Variants in NLGN1 observed in about 807,000 individuals in gnomAD.
The protein encoded by NLGN1 is neuroligin 1.
NLGN1 carries 12 observed loss-of-function variants against 65.5 expected under a neutral mutation model. The observed-to-expected ratio is 0.18, with a 90% CI of 0.12 to 0.30. The LOEUF (loss-of-function observed/expected upper bound fraction) is 0.30, where lower values mean the gene tolerates loss of function less well. Among genes scored for constraint, NLGN1 ranks in the 10% least tolerant of loss-of-function variants. NLGN1 has a pLI of 1.00. For missense variants in NLGN1, 750 were observed against 1,007.1 expected (o/e 0.74, Z 3.46); for synonymous variants, 350 against 359.5 (o/e 0.97, Z 0.30).
At chr3:173,929,569 T>C (rs13065284) in intron 4 of NLGN1, among the ~76,000 whole-genome samples, 1 of 145,118 alleles carries the variant, frequency 6.9e-6, no homozygotes, top group Non-Finnish European at 1.5e-5. Context: ...ATGATCACTG[T>C]CATTTCCAAA....
intron 3 of NLGN1, among the ~76,000 whole-genome samples, chr3:173,707,939 T>C (rs1397551108): frequency 6.6e-6 from 1 of 152,238 alleles, no homozygotes; most frequent in Non-Finnish European, 1.5e-5. Flanking sequence ...TTTTGTAATT[T>C]GTTATTGGTT....
At chr3:173,589,389 G>C (rs539160980) in intron 2 of NLGN1, among the ~76,000 whole-genome samples, 1 of 152,002 alleles carries the variant, frequency 6.6e-6, no homozygotes, top group Admixed American at 6.5e-5. Context: ...TGGAGGTGCT[G>C]TAGGTGGTGC....
At chr3:173,748,395 A>G (rs1328701919) in intron 3 of NLGN1, among the ~76,000 whole-genome samples, 1 of 152,138 alleles carries the variant, frequency 6.6e-6, no homozygotes, top group Non-Finnish European at 1.5e-5. Flanking sequence ...CAGAACAACT[A>G]GACTTCTGAT....
At chr3:173,706,164 A>G (rs1346902241) in intron 3 of NLGN1, among the ~76,000 whole-genome samples, 1 of 152,142 alleles carries the variant, frequency 6.6e-6, no homozygotes, top group Admixed American at 6.5e-5. Flanking sequence ...ATTGTTTATG[A>G]TTTGGTATAT....
intron 4 of NLGN1, among the ~76,000 whole-genome samples, chr3:173,987,629 C>T (rs1448387096): frequency 1.6e-4 from 24 of 152,084 alleles, no homozygotes; most frequent in Admixed American, 1.6e-3. Flanking sequence ...TATCATCATC[C>T]ACAACACCAC....
At chr3:173,414,441 G>T (rs1399798825) in intron 1 of NLGN1, among the ~76,000 whole-genome samples, 1 of 152,110 alleles carries the variant, frequency 6.6e-6, no homozygotes, top group Non-Finnish European at 1.5e-5. Context: ...TAAGTAAGGG[G>T]TCAGTGTGGT....
intron 2 of NLGN1, among the ~76,000 whole-genome samples, chr3:173,600,465 A>G (rs552323593): frequency 1.3e-5 from 2 of 152,050 alleles, no homozygotes; most frequent in African/African-American, 4.8e-5. Flanking sequence ...GGACATAAAG[A>G]TATTTTTTAA....
exon 7 of NLGN1, chr3:174,281,676 CA>C (rs1206565110): frequency 5.8e-6 from 1 of 171,204 alleles, no homozygotes; most frequent in Non-Finnish European, 1.2e-5. Flanking sequence ...AGGGACACAC[CA>C]GTGGAATGTC....
chr3:173,886,894 C>G (rs1734443111), intron 4 of NLGN1, among the ~76,000 whole-genome samples: 1 of 151,964 alleles, frequency 6.6e-6, no homozygotes, highest in Admixed American at 6.6e-5. Flanking sequence ...ATAAAATAGA[C>G]TAAATATAGG....
intron 2 of NLGN1, among the ~76,000 whole-genome samples, chr3:173,589,769 G>A (rs956841677): frequency 6.6e-6 from 1 of 152,000 alleles, no homozygotes; most frequent in Non-Finnish European, 1.5e-5. Flanking sequence ...TCAGTTTTTT[G>A]TAACCATAAT....
chr3:173,475,346 T>C (rs752429577), intron 2 of NLGN1, among the ~76,000 whole-genome samples: 1 of 152,130 alleles, frequency 6.6e-6, no homozygotes, highest in East Asian at 1.9e-4. Flanking sequence ...TTAAAAGAAA[T>C]AATAACTATA....
At chr3:173,932,217 C>A (rs1274283215) in intron 4 of NLGN1, among the ~76,000 whole-genome samples, 1 of 151,770 alleles carries the variant, frequency 6.6e-6, no homozygotes, top group Non-Finnish European at 1.5e-5. Flanking sequence ...AATCAGTTGT[C>A]CTGTTTCCAC....
intron 2 of NLGN1, among the ~76,000 whole-genome samples, chr3:173,435,596 A>G (rs1717978420): frequency 6.6e-6 from 1 of 152,174 alleles, no homozygotes; most frequent in African/African-American, 2.4e-5. Flanking sequence ...GCACTTTGGG[A>G]GACTGAGGTG....
At chr3:174,012,327 C>T (rs1221561772) in intron 4 of NLGN1, among the ~76,000 whole-genome samples, 1 of 152,080 alleles carries the variant, frequency 6.6e-6, no homozygotes, top group Non-Finnish European at 1.5e-5. Context: ...TTGAAGAGAT[C>T]CGTTTCTCTA....
chr3:173,684,956 C>A (rs1764477943), intron 3 of NLGN1, among the ~76,000 whole-genome samples: 6 of 152,078 alleles, frequency 3.9e-5, no homozygotes, highest in Non-Finnish European at 1.5e-5. Flanking sequence ...TAATAGAGTT[C>A]TTTTGCATGT....
rs935424799 is a variant in NLGN1, at chr3:174,265,264, C to T, written c.647-10051C>T. 5.4e-3 allele frequency among the ~76,000 whole-genome samples: 818 copies of T among 150,992 alleles called. 1 individual carries two copies. The highest frequency in any genetic ancestry group is 9.0e-3 in the Non-Finnish European group (608 of 67,546). On this transcript the variant is annotated intron_variant, in intron 4 of 6. Transcript: ENST00000457714. The stretch of plus-strand genomic sequence containing the variant: ...CTAAGCAAGCCTGGGCAATGGCGGG[C>T]GCCACTCCCCCAGCCTCGCTGCCGC...
At chr3:174,076,724 A>AT (rs1741064580) in intron 4 of NLGN1, among the ~76,000 whole-genome samples, 1 of 82,044 alleles carries the variant, frequency 1.2e-5, no homozygotes, top group Non-Finnish European at 2.4e-5. Flanking sequence ...AGAGAGAGAG[A>AT]GTGTGTGTGT....
intron 4 of NLGN1, among the ~76,000 whole-genome samples, chr3:173,898,159 C>G (rs190398431): frequency 1.3e-4 from 20 of 152,208 alleles, no homozygotes; most frequent in African/African-American, 4.8e-4. Context: ...AGTGTTAAGA[C>G]CTTGAATTGT....
chr3:173,828,480 C>T (rs988864244), intron 4 of NLGN1, among the ~76,000 whole-genome samples: 15 of 152,234 alleles, frequency 9.9e-5, no homozygotes, highest in African/African-American at 3.6e-4. Flanking sequence ...TCCTTCTATG[C>T]TAGATACTGA....
Sources: allele counts gnomAD v4.1 joint callset (sites outside exome capture counted in the v4.1 genomes callset), GRCh38; gene constraint gnomAD v4.1.1; transcripts MANE v1.5; gene names NCBI Gene and HGNC (gene_info 2026-07-23, HGNC 2026-07-21).